Variants in EYA3 observed in about 807,000 individuals in gnomAD.
The protein encoded by EYA3 is EYA transcriptional coactivator and phosphatase 3, also known as protein phosphatase EYA3.
A neutral mutation model predicts 80.0 loss-of-function variants in EYA3; 39 were observed. The ratio of observed to expected loss-of-function variants is 0.49; its 90% CI spans 0.38 to 0.64. The LOEUF (loss-of-function observed/expected upper bound fraction) is 0.64. EYA3 is among the 30% of genes least tolerant of loss of function. The probability of loss-of-function intolerance (pLI) is 0.00; values close to 1 mark genes in which losing one functional copy is unlikely to be tolerated. For synonymous variants in EYA3, 206 were observed against 232.8 expected, an observed-to-expected ratio of 0.88 and a Z score of 1.05; for missense variants, 523 against 676.1, an observed-to-expected ratio of 0.77 and a Z score of 2.51.
At chr1:28,085,678 C>A (rs1351986079) in intron 1 of EYA3, among the ~76,000 whole-genome samples, 5 of 152,196 alleles carry the variant, frequency 3.3e-5, no homozygotes, top group Non-Finnish European at 5.9e-5. Context: ...GGGCTACCAA[C>A]TAAAGTAGAA....
At chr1:28,001,458 AT>A (rs969105964) in intron 11 of EYA3, among the ~76,000 whole-genome samples, 1 of 143,678 alleles carries the variant, frequency 7.0e-6, no homozygotes. Context: ...AATATATAAA[AT>A]TTTTTTTTGC....
intron 2 of EYA3, among the ~76,000 whole-genome samples, chr1:28,057,109 G>C (rs961818872): frequency 6.6e-6 from 1 of 151,994 alleles, no homozygotes; most frequent in Non-Finnish European, 1.5e-5. Flanking sequence ...TAATGACAAA[G>C]TAATCATCAA....
chr1:28,015,309 G>A (rs1018637652), intron 8 of EYA3, among the ~76,000 whole-genome samples: 12 of 152,186 alleles, frequency 7.9e-5, no homozygotes, highest in African/African-American at 2.7e-4. Context: ...AAGGACCTCT[G>A]TAGGCCTGAA....
intron 16 of EYA3, among the ~76,000 whole-genome samples, chr1:27,979,155 G>T (rs955073096): frequency 6.6e-6 from 1 of 152,128 alleles, no homozygotes; most frequent in Admixed American, 6.5e-5. Flanking sequence ...TGGTCATTGT[G>T]TCATAATGAA....
chr1:28,057,228 T>C (rs1253022786), intron 2 of EYA3, among the ~76,000 whole-genome samples: 2 of 152,076 alleles, frequency 1.3e-5, no homozygotes, highest in African/African-American at 4.8e-5. Context: ...GAAAAACATA[T>C]CCTATTATTT....
intron 8 of EYA3, among the ~76,000 whole-genome samples, chr1:28,015,877 A>T (rs1259460026): frequency 6.6e-6 from 1 of 152,222 alleles, no homozygotes; most frequent in Non-Finnish European, 1.5e-5. Flanking sequence ...AGAATTAAGA[A>T]GTCAGGGAAA....
intron 16 of EYA3, among the ~76,000 whole-genome samples, chr1:27,986,938 G>A (rs1196821625): frequency 6.6e-6 from 1 of 152,124 alleles, no homozygotes; most frequent in Non-Finnish European, 1.5e-5. Context: ...TCCTGACCTT[G>A]TGATCCACCC....
At chr1:28,037,305 A>C (rs1478928618) in intron 5 of EYA3, among the ~76,000 whole-genome samples, 1 of 152,264 alleles carries the variant, frequency 6.6e-6, no homozygotes, top group Non-Finnish European at 1.5e-5. Context: ...ATAGCTAATA[A>C]GGAATTCTGA....
chr1:28,082,721 G>C (rs1387106006), intron 1 of EYA3, among the ~76,000 whole-genome samples: 2 of 151,982 alleles, frequency 1.3e-5, no homozygotes, highest in African/African-American at 2.4e-5. Context: ...TAAGATTTAA[G>C]TATTTTAAGA....
chr1:28,001,924 T>C (rs956537973), intron 11 of EYA3, among the ~76,000 whole-genome samples: 6 of 149,318 alleles, frequency 4.0e-5, no homozygotes, highest in Non-Finnish European at 7.4e-5. Flanking sequence ...TTATTTTATT[T>C]ATTTTTTTGA....
rs758086633 is a variant in EYA3, at chr1:27,997,351, C to T, written c.1111G>A (p.Val371Met). Reference sequence around the variant, plus strand: ...TCTTGGCCATTGTCATCAGAAGCCACATCTTCCACATGTACCTGGTCACAC... The same window carrying T: ...TCTTGGCCATTGTCATCAGAAGCCATATCTTCCACATGTACCTGGTCACAC... ...EECDQVHVED[V>M]ASDDNGQDLS... The change falls in exon 13 of 18, where the codon GTG becomes ATG. Residue 371 changes from valine to methionine, a missense_variant. This residue lies in a region of EYA3 where 219 missense variants were observed against 332.8 expected (regional missense o/e 0.66). Transcript: ENST00000373871. 8.7e-6 allele frequency: 14 copies of T among 1,614,046 alleles called. No individual in the cohort carries two copies. Among genetic ancestry groups the T allele is most frequent in the Non-Finnish European group, 1.2e-5 (14 of 1,180,018 alleles).
chr1:28,009,987 T>C lies in EYA3; in HGVS notation c.909+960A>G, dbSNP rs1224923966. Among the ~76,000 whole-genome samples the C allele has an allele frequency of 6.6e-6, 1 of 152,218 alleles. No homozygotes were observed. The highest frequency in any genetic ancestry group is 2.4e-5 in the African/African-American group (1 of 41,456). On this transcript the variant is annotated intron_variant, in intron 10 of 17. Transcript: ENST00000373871. The surrounding 1 kb of genome is among the most constrained non-coding windows in gnomAD (Gnocchi z 4.8). ...TTTTAGACAATTAAAAAATGAGTTATCAGTTTTTCCTAAGAAATATATCAG... is the reference window on the plus strand; with the variant it reads ...TTTTAGACAATTAAAAAATGAGTTACCAGTTTTTCCTAAGAAATATATCAG...
At chr1:28,060,755 C>A (rs1644591038) in intron 1 of EYA3, among the ~76,000 whole-genome samples, 1 of 152,180 alleles carries the variant, frequency 6.6e-6, no homozygotes, top group Non-Finnish European at 1.5e-5. Flanking sequence ...GTGGCTCATG[C>A]CTGTAATCCC....
At chr1:27,994,058 C>A (rs2148736995) in intron 13 of EYA3, among the ~76,000 whole-genome samples, 1 of 152,304 alleles carries the variant, frequency 6.6e-6, no homozygotes, top group South Asian at 2.1e-4. Context: ...GTGGTAGCTT[C>A]AAAATATATC....
chr1:28,073,127 A>ATTTTTT (rs1180868021), intron 1 of EYA3, among the ~76,000 whole-genome samples: 32 of 14,988 alleles, frequency 2.1e-3, no homozygotes, highest in East Asian at 3.4e-3. Context: ...ATATATATAT[A>ATTTTTT]TTTTTTTTTT....
In EYA3 at chr1:28,013,991, A is replaced by T. The variant is rs1641866634; in HGVS notation, c.586-697T>A. Among the ~76,000 whole-genome samples, 1 of 152,210 alleles carries T rather than the reference A, an allele frequency of 6.6e-6. No individual in the cohort carries two copies. Among genetic ancestry groups the T allele is most frequent in the Non-Finnish European group, 1.5e-5 (1 of 68,026 alleles). The stretch of plus-strand genomic sequence containing the variant: ...GGCACAAGAATCGCTTGAACCTGGA[A>T]AGCGGAGGTTGCAGTGAGCCGAGAT... On this transcript the variant is annotated intron_variant, in intron 8 of 17. Coordinates refer to ENST00000373871, the MANE Select transcript of EYA3 (RefSeq NM_001990.4). The surrounding 1 kb of genome is among the most constrained non-coding windows in gnomAD (Gnocchi z 4.0).
At chr1:28,023,984 A>C (rs1642616706) in intron 7 of EYA3, among the ~76,000 whole-genome samples, 1 of 152,218 alleles carries the variant, frequency 6.6e-6, no homozygotes, top group Non-Finnish European at 1.5e-5. Context: ...CACACCTGTC[A>C]TCTCAACAGT....
chr1:28,086,989 T>C (rs938900017), intron 1 of EYA3, among the ~76,000 whole-genome samples: 1 of 152,220 alleles, frequency 6.6e-6, no homozygotes, highest in African/African-American at 2.4e-5. Flanking sequence ...ATATGTATCA[T>C]ATAATGAAGA....
intron 6 of EYA3, among the ~76,000 whole-genome samples, chr1:28,028,588 T>C (rs1191868873): frequency 1.3e-5 from 2 of 151,790 alleles, no homozygotes; most frequent in Non-Finnish European, 2.9e-5. Flanking sequence ...TCTTCTTTTT[T>C]TTTTTTTTAA....
Sources: allele counts gnomAD v4.1 joint callset (sites outside exome capture counted in the v4.1 genomes callset), GRCh38; gene constraint gnomAD v4.1.1; regional missense constraint gnomAD v4.1.1; non-coding constraint Gnocchi (gnomAD v3.1); transcripts MANE v1.5; gene names NCBI Gene and HGNC (gene_info 2026-07-23, HGNC 2026-07-21).